PCDHGA5: variants seen among roughly 807,000 people sequenced by gnomAD.
The protein encoded by PCDHGA5 is protocadherin gamma subfamily A, 5, also known as protocadherin gamma-A5.
In PCDHGA5, 36 loss-of-function variants were observed where a neutral mutation model predicts 56.7. That is an observed-to-expected ratio of 0.64 (90% CI 0.49 to 0.84). The LOEUF (loss-of-function observed/expected upper bound fraction) is 0.84. Ranked by LOEUF, PCDHGA5 falls within the 40% of genes least tolerant of loss-of-function variation. The pLI, the probability that PCDHGA5 is intolerant of heterozygous loss-of-function variation, is 0.00. For missense variants in PCDHGA5, 1,305 were observed against 1,201.5 expected (o/e 1.09, Z -1.27); for synonymous variants, 563 against 520.2 (o/e 1.08, Z -1.12).
chr5:141,405,797 T>C (rs1589594153), intron 1 of PCDHGA5, among the ~76,000 whole-genome samples: 1 of 148,508 alleles, frequency 6.7e-6, no homozygotes, highest in Non-Finnish European at 1.5e-5. Flanking sequence ...CTATTATAGT[T>C]AGCTTTCTCT....
At chr5:141,447,861 G>A (rs2098553733) in intron 1 of PCDHGA5, among the ~76,000 whole-genome samples, 1 of 152,120 alleles carries the variant, frequency 6.6e-6, no homozygotes, top group Non-Finnish European at 1.5e-5. Flanking sequence ...CGAGGTGGGT[G>A]AATCATCTGA....
intron 1 of PCDHGA5, among the ~76,000 whole-genome samples, chr5:141,369,532 T>C (rs1330154732): frequency 1.3e-5 from 2 of 152,314 alleles, no homozygotes; most frequent in African/African-American, 2.4e-5. Flanking sequence ...ATCATACTTA[T>C]TTAATTAAAA....
intron 2 of PCDHGA5, among the ~76,000 whole-genome samples, chr5:141,497,332 A>G (rs537994715): frequency 6.6e-6 from 1 of 152,024 alleles, no homozygotes; most frequent in Non-Finnish European, 1.5e-5. Context: ...AGAATTCACC[A>G]TTGAACCTGG....
At chr5:141,418,393 C>A in intron 1 of PCDHGA5, 1 of 1,613,984 alleles carries the variant, frequency 6.2e-7, no homozygotes, top group Non-Finnish European at 8.5e-7. Context: ...ACGAGTATTT[C>A]TCATTGGTGG....
chr5:141,384,431 C>T (rs750392601), intron 1 of PCDHGA5: 1 of 1,614,000 alleles, frequency 6.2e-7, no homozygotes, highest in South Asian at 1.1e-5. Context: ...AACTCTGACA[C>T]TGGAGTCCTG....
At chr5:141,499,330 C>T (rs1040336371) in intron 2 of PCDHGA5, among the ~76,000 whole-genome samples, 1 of 152,170 alleles carries the variant, frequency 6.6e-6, no homozygotes, top group African/African-American at 2.4e-5. Flanking sequence ...CCTGCTCTCT[C>T]TCAGTTTGGG....
At chr5:141,421,474 G>A (rs1320526226) in intron 1 of PCDHGA5, 2 of 1,614,014 alleles carry the variant, frequency 1.2e-6, no homozygotes, top group Non-Finnish European at 1.7e-6. Flanking sequence ...TCCGCGAAGC[G>A]GCAGCTTGAT....
chr5:141,383,721 T>C lies in PCDHGA5; in HGVS notation c.2421+16970T>C, dbSNP rs990608432. The C allele has an allele frequency of 6.2e-6, 10 of 1,613,892 alleles. No individual in the cohort carries two copies. The South Asian group carries it at 6.6e-5, about 11-fold the overall frequency. On this transcript the variant is annotated intron_variant, in intron 1 of 3. Coordinates refer to ENST00000518069, the MANE Select transcript of PCDHGA5 (RefSeq NM_018918.3). ...CTATCGACCTGGACGAGGGAGTCAA[T>C]GGGGAAGTGACATATTCTTTTCGGA...
chr5:141,403,604 G>C, intron 1 of PCDHGA5: 2 of 1,613,768 alleles, frequency 1.2e-6, no homozygotes, highest in Non-Finnish European at 1.7e-6. Flanking sequence ...CTCGGATGGC[G>C]GCGAGCCGCG....
chr5:141,421,572 G>T, intron 1 of PCDHGA5: 1 of 1,613,954 alleles, frequency 6.2e-7, no homozygotes, highest in Admixed American at 1.7e-5. Flanking sequence ...AAGACACCTT[G>T]AAGATTTACG....
Position 141,487,401 on chromosome 5 carries a change from T to C in PCDHGA5, c.2422-7406T>C, listed in dbSNP as rs2099644244. The C allele has an allele frequency of 6.2e-7, 1 of 1,614,134 alleles. No individual in the cohort carries two copies. The highest frequency in any genetic ancestry group is 1.3e-5 in the African/African-American group (1 of 75,046). On this transcript the variant is annotated intron_variant, in intron 1 of 3. Transcript: ENST00000518069. This position sits in a 1 kb window ranked among gnomAD's most constrained non-coding sequence, Gnocchi z 5.0. ...ACCAGATCTCGAAGGAGGGAGGGGCTTCCCCCTTCCAATGGGATCCTCCGA... is the reference window on the plus strand; with the variant it reads ...ACCAGATCTCGAAGGAGGGAGGGGCCTCCCCCTTCCAATGGGATCCTCCGA...
intron 1 of PCDHGA5, among the ~76,000 whole-genome samples, chr5:141,455,082 G>A (rs1323760148): frequency 1.3e-5 from 2 of 151,932 alleles, no homozygotes; most frequent in African/African-American, 2.4e-5. Context: ...AAAGTGCTGG[G>A]ATTACAGGCT....
At chr5:141,371,954 C>A in intron 1 of PCDHGA5, 1 of 1,613,274 alleles carries the variant, frequency 6.2e-7, no homozygotes, top group Non-Finnish European at 8.5e-7. Flanking sequence ...AGCGAGCCTT[C>A]GACCACGAGC....
At chr5:141,435,858 A>C (rs138728159) in intron 1 of PCDHGA5, among the ~76,000 whole-genome samples, 1 of 152,304 alleles carries the variant, frequency 6.6e-6, no homozygotes, top group East Asian at 1.9e-4. Context: ...TACAATAGTT[A>C]AAACCCAGAA....
chr5:141,374,221 C>A, intron 1 of PCDHGA5: 1 of 1,613,996 alleles, frequency 6.2e-7, no homozygotes, highest in Non-Finnish European at 8.5e-7. Flanking sequence ...CCTTCGTAGG[C>A]AACATCGTCA....
chr5:141,375,239 A>G, intron 1 of PCDHGA5: 2 of 1,613,974 alleles, frequency 1.2e-6, no homozygotes, highest in Admixed American at 1.7e-5. Context: ...AACCTGTTCC[A>G]TCCCGAGAAG....
rs1412247634 is a variant in PCDHGA5, at chr5:141,391,586, A to AAT, written c.2421+24839_2421+24840dup. 2.0e-5 allele frequency: 3 copies of AAT among 152,352 alleles called. No homozygotes were observed. In the South Asian group the frequency reaches 6.2e-4, roughly 32 times the overall value. The allele number at this position is 152,352 out of a possible 1,614,324, so 9.4% of individuals were successfully genotyped here. ...GCATAAGAAAATATATTCACAGGAA[A>AAT]ATATAAAGTTTTCAGATTTCATGAG... On this transcript the variant is annotated intron_variant, in intron 1 of 3. Coordinates refer to ENST00000518069, the MANE Select transcript of PCDHGA5 (RefSeq NM_018918.3).
rs767363057 is a variant in PCDHGA5 at position 141,364,765 on chromosome 5, T to C, written c.435T>C (p.Asn145=). ...AGTTAAAAGTAAAAGTTAATGAAAA[T>C]GCGGCTGCAGGGACACGGTTAGTGC... ...DEELKVKVNE[N]AAAGTRLVLP... Residue 145 remains asparagine (N), a synonymous_variant, in exon 1 of 4, where the codon AAT becomes AAC. Coordinates refer to ENST00000518069, the MANE Select transcript of PCDHGA5 (RefSeq NM_018918.3). 4 of 1,613,970 alleles carry C rather than the reference T, an allele frequency of 2.5e-6. No homozygotes were observed. The highest frequency in any genetic ancestry group is 3.4e-6 in the Non-Finnish European group (4 of 1,179,890).
intron 1 of PCDHGA5, among the ~76,000 whole-genome samples, chr5:141,444,408 T>G (rs1591815532): frequency 6.6e-6 from 1 of 152,124 alleles, no homozygotes; most frequent in East Asian, 1.9e-4. Context: ...CAACCTCAGG[T>G]GATCTTCCCT....
Sources: gnomAD v4.1 joint callset for allele counts (sites outside exome capture counted in the v4.1 genomes callset) on GRCh38, gnomAD v4.1.1 for gene constraint, Gnocchi (gnomAD v3.1) non-coding constraint, MANE v1.5 for transcripts, NCBI Gene and HGNC (gene_info 2026-07-23, HGNC 2026-07-21) for gene names.